CHD6: variants seen among roughly 807,000 people sequenced by gnomAD.
CHD6 encodes ATP-dependent chromatin remodeler CHD6.
In CHD6, 50 loss-of-function variants were observed where a neutral mutation model predicts 276.9. The observed-to-expected ratio is 0.18, with a 90% CI of 0.14 to 0.23. The LOEUF is 0.23. CHD6 is among the 10% of genes least tolerant of loss of function. The pLI is 1.00. For synonymous variants in CHD6, 1,173 were observed against 1,229.3 expected, an observed-to-expected ratio of 0.95 and a Z score of 0.96; for missense variants, 2,564 against 3,365.8, an observed-to-expected ratio of 0.76 and a Z score of 5.89.
chr20:41,617,947 C>CG (rs1355263620), intron 1 of CHD6, among the ~76,000 whole-genome samples: 3,344 of 146,008 alleles, frequency 0.023, 48 homozygotes, highest in South Asian at 0.04. Flanking sequence ...GCGCCCGCCC[C>CG]GGGGGGGGCC....
At chr20:41,416,860 G>A (rs1319237965) in intron 32 of CHD6, 66 bp from the exon 33 acceptor site, 14 of 1,343,356 alleles carry the variant, frequency 1.0e-5, no homozygotes, top group Admixed American at 2.9e-5. Context: ...AATCCTTTGA[G>A]ATCAAGGGTT....
At chr20:41,438,830 A>T (rs2047802639) in intron 26 of CHD6, among the ~76,000 whole-genome samples, 1 of 152,104 alleles carries the variant, frequency 6.6e-6, no homozygotes, top group Non-Finnish European at 1.5e-5. Context: ...CTCTGTTAAC[A>T]TCTCCCAGAA....
intron 1 of CHD6, among the ~76,000 whole-genome samples, chr20:41,606,364 A>T (rs1395227675): frequency 6.6e-6 from 1 of 152,048 alleles, no homozygotes; most frequent in African/African-American, 2.4e-5. Context: ...CAAAAACAAA[A>T]TTAGCCAGGC....
intron 3 of CHD6, among the ~76,000 whole-genome samples, chr20:41,528,371 CA>C (rs1301122721): frequency 6.6e-6 from 1 of 152,054 alleles, no homozygotes; most frequent in East Asian, 1.9e-4. Flanking sequence ...CATAAACGTA[CA>C]TCTGTGTATG....
chr20:41,561,849 A>T (rs547768600), intron 1 of CHD6, among the ~76,000 whole-genome samples: 2 of 152,292 alleles, frequency 1.3e-5, no homozygotes, highest in East Asian at 3.9e-4. Context: ...TTTGTATGTG[A>T]CATCTCTTCC....
At chr20:41,556,362 G>A (rs1360158485) in intron 1 of CHD6, among the ~76,000 whole-genome samples, 1 of 141,968 alleles carries the variant, frequency 7.0e-6, no homozygotes, top group African/African-American at 2.7e-5. Flanking sequence ...CTCCGCTAAT[G>A]GCACTTTTAA....
At chr20:41,489,382 C>T (rs200401374) in intron 12 of CHD6, among the ~76,000 whole-genome samples, 12 of 90,642 alleles carry the variant, frequency 1.3e-4, no homozygotes, top group Non-Finnish European at 2.6e-4. Context: ...TTATCCTTCT[C>T]TGTCAAATCT....
chr20:41,516,770 C>A (rs775639184), intron 3 of CHD6, among the ~76,000 whole-genome samples: 2 of 151,890 alleles, frequency 1.3e-5, no homozygotes, highest in African/African-American at 4.8e-5. Context: ...CTTCATTCTG[C>A]GTGAAAAGGG....
chr20:41,566,431 T>C lies in CHD6; in HGVS notation c.-23-15071A>G, dbSNP rs551150675. ...GTTTGTGTGGTGTAAAGCCTAAAAT[T>C]CAGGCCCAATATTATGTGCTGCCTT... On this transcript the variant is annotated intron_variant, in intron 1 of 36. Transcript: ENST00000373233. Among the ~76,000 whole-genome samples the C allele has an allele frequency of 3.9e-5, 6 of 152,200 alleles. 1 individual carries two copies. The South Asian group carries it at 1.2e-3, about 32-fold the overall frequency.
chr20:41,483,596 G>A, intron 15 of CHD6, 77 bp from the exon 16 acceptor site: 1 of 1,121,630 alleles, frequency 8.9e-7, no homozygotes, highest in Admixed American at 2.7e-5. Context: ...ACAGATCCTG[G>A]GAAAAATGAA....
intron 11 of CHD6, among the ~76,000 whole-genome samples, chr20:41,491,314 A>G (rs1409487220): frequency 6.7e-6 from 1 of 148,322 alleles, no homozygotes; most frequent in Non-Finnish European, 1.5e-5. Flanking sequence ...ATATATATAT[A>G]TATTCCTATA....
chr20:41,494,091 A>G, intron 8 of CHD6, 147 bp from the exon 9 acceptor site: 1 of 599,770 alleles, frequency 1.7e-6, no homozygotes, highest in Non-Finnish European at 2.9e-6. Context: ...AAGTCACGGC[A>G]TTTATTCACT....
Position 41,516,935 on chromosome 20 carries a change from G to A in CHD6, c.555-1983C>T, listed in dbSNP as rs536370254. Reference sequence around the variant, plus strand: ...CTGGTACTTCCCATCAGGAGAGTTAGTAGAAAGTTTGGGGAAGAGAAGGAA... The same window carrying A: ...CTGGTACTTCCCATCAGGAGAGTTAATAGAAAGTTTGGGGAAGAGAAGGAA... On this transcript the variant is annotated intron_variant, in intron 3 of 36. Transcript: ENST00000373233. Among the ~76,000 whole-genome samples the A allele has an allele frequency of 1.5e-4, 23 of 152,294 alleles. 1 individual carries two copies. In the South Asian group the frequency reaches 4.8e-3, roughly 32 times the overall value.
At chr20:41,466,766 T>C (rs926796040) in intron 17 of CHD6, among the ~76,000 whole-genome samples, 1 of 152,158 alleles carries the variant, frequency 6.6e-6, no homozygotes, top group Admixed American at 6.5e-5. Context: ...CTTCGTAGCA[T>C]CCATCTCTTT....
chr20:41,513,959 C>G (rs1362201662), intron 4 of CHD6, among the ~76,000 whole-genome samples: 1 of 152,186 alleles, frequency 6.6e-6, no homozygotes, highest in Non-Finnish European at 1.5e-5. Context: ...ACCTAATTCC[C>G]TGCCAAATCC....
chr20:41,471,300 T>C (rs140812627), intron 17 of CHD6, among the ~76,000 whole-genome samples: 1 of 152,342 alleles, frequency 6.6e-6, no homozygotes, highest in East Asian at 1.9e-4. Context: ...GTAAGTAGGT[T>C]CTTGATAGTG....
chr20:41,447,311 C>T (rs2048099693), intron 24 of CHD6, among the ~76,000 whole-genome samples: 1 of 152,170 alleles, frequency 6.6e-6, no homozygotes, highest in South Asian at 2.1e-4. Context: ...ACCTGGTGAT[C>T]CCATTTATAA....
intron 3 of CHD6, among the ~76,000 whole-genome samples, chr20:41,520,144 T>C (rs976050895): frequency 5.9e-5 from 9 of 152,142 alleles, no homozygotes; most frequent in Non-Finnish European, 8.8e-5. Flanking sequence ...CCAGTTAGAA[T>C]GGTGATCATT....
At chr20:41,602,841 C>A (rs897909181) in intron 1 of CHD6, among the ~76,000 whole-genome samples, 15 of 151,984 alleles carry the variant, frequency 9.9e-5, no homozygotes, top group Admixed American at 1.3e-4. Context: ...ACCACCACAC[C>A]GGGCTAATTT....
Sources: allele counts gnomAD v4.1 joint callset (sites outside exome capture counted in the v4.1 genomes callset), GRCh38; gene constraint gnomAD v4.1.1; transcripts MANE v1.5; gene names NCBI Gene and HGNC (gene_info 2026-07-23, HGNC 2026-07-21).